The following EMC2 variants were observed in gnomAD, a reference collection of about 807,000 sequenced individuals.
EMC2 encodes the protein ER membrane protein complex subunit 2.
Under a neutral mutation model 51.6 loss-of-function variants are expected in EMC2, and 37 were observed. The ratio of observed to expected loss-of-function variants is 0.72; its 90% CI spans 0.55 to 0.94. The LOEUF is 0.94. Ranked by LOEUF, EMC2 falls within the 40% of genes least tolerant of loss-of-function variation. The pLI, the probability that EMC2 is intolerant of heterozygous loss-of-function variation, is 0.00. For missense variants in EMC2, 359 were observed against 350.9 expected, an observed-to-expected ratio of 1.02 and a Z score of -0.18; for synonymous variants, 131 against 112.4, an observed-to-expected ratio of 1.17 and a Z score of -1.04.
At chr8:108,445,654 G>A (rs1230440628) in intron 1 of EMC2, among the ~76,000 whole-genome samples, 4 of 150,362 alleles carry the variant, frequency 2.7e-5, no homozygotes, top group Admixed American at 1.3e-4. Context: ...GCAATCCTTC[G>A]ATTATGTATT....
intron 1 of EMC2, among the ~76,000 whole-genome samples, chr8:108,447,225 A>G (rs1467756144): frequency 7.8e-6 from 1 of 128,028 alleles, no homozygotes; most frequent in East Asian, 2.5e-4. Flanking sequence ...CCCACCCCCA[A>G]CAGATGCTGG....
Position 108,476,907 on chromosome 8 carries a change from A to T in EMC2, c.702+15A>T. Reference sequence around the variant, plus strand: ...GACTTTATATGGTGAGTTGAGGTGCATGTTTAATGTTATTTTTAAAAATCT... The same window carrying T: ...GACTTTATATGGTGAGTTGAGGTGCTTGTTTAATGTTATTTTTAAAAATCT... On this transcript the variant is annotated intron_variant, in intron 9 of 10. Coordinates refer to ENST00000220853, the MANE Select transcript of EMC2 (RefSeq NM_014673.5). 8.8e-7 allele frequency: 1 copy of T among 1,142,240 alleles called. No individual in the cohort carries two copies. The highest frequency in any genetic ancestry group is 1.3e-6 in the Non-Finnish European group (1 of 752,590). 70.8% of individuals were successfully genotyped at this position (1,142,240 alleles called of 1,614,324 possible).
chr8:108,478,494 T>G (rs1810986747), intron 9 of EMC2, among the ~76,000 whole-genome samples: 1 of 152,040 alleles, frequency 6.6e-6, no homozygotes, highest in Non-Finnish European at 1.5e-5. Flanking sequence ...TTTGCTTTGG[T>G]CAAGTTAAAT....
chr8:108,457,702 C>G (rs1167274443), intron 5 of EMC2, among the ~76,000 whole-genome samples: 2 of 152,168 alleles, frequency 1.3e-5, no homozygotes, highest in Admixed American at 1.3e-4. Flanking sequence ...CTGGGTTCCT[C>G]CCATGACATA....
chr8:108,464,488 C>A (rs922126484), intron 5 of EMC2, among the ~76,000 whole-genome samples: 2 of 152,146 alleles, frequency 1.3e-5, no homozygotes, highest in Non-Finnish European at 2.9e-5. Context: ...ATGTCTGGGC[C>A]ACAGCTAGTC....
chr8:108,455,172 C>A lies in EMC2; in HGVS notation c.306-701C>A, dbSNP rs535384835. On this transcript the variant is annotated intron_variant, in intron 4 of 10. Coordinates refer to ENST00000220853, the MANE Select transcript of EMC2 (RefSeq NM_014673.5). ...CATTTTCTATATTTCTTTCTTTTTT[C>A]CCTTCTAGTATTCCATTACATATAT... Among the ~76,000 whole-genome samples the A allele has an allele frequency of 1.6e-4, 24 of 151,662 alleles. 1 individual carries two copies. The highest frequency in any genetic ancestry group is 3.2e-4 in the Non-Finnish European group (22 of 67,858).
intron 5 of EMC2, among the ~76,000 whole-genome samples, chr8:108,460,645 G>A (rs188783394): frequency 6.6e-6 from 1 of 152,282 alleles, no homozygotes; most frequent in African/African-American, 2.4e-5. Flanking sequence ...AACCAATTTT[G>A]TGTTTAGAGT....
intron 10 of EMC2, among the ~76,000 whole-genome samples, chr8:108,481,173 T>C (rs1811038875): frequency 6.6e-6 from 1 of 152,082 alleles, no homozygotes; most frequent in African/African-American, 2.4e-5. Context: ...TTCTGTTATG[T>C]TGGTTTTGGT....
chr8:108,486,244 A>C (rs2130425299), intron 10 of EMC2, among the ~76,000 whole-genome samples: 1 of 151,980 alleles, frequency 6.6e-6, no homozygotes, highest in African/African-American at 2.4e-5. Context: ...CAAATACATG[A>C]TTTTATGGGT....
intron 5 of EMC2, among the ~76,000 whole-genome samples, chr8:108,468,808 G>A (rs1012343485): frequency 2.0e-5 from 3 of 152,152 alleles, no homozygotes; most frequent in Admixed American, 6.5e-5. Flanking sequence ...TAAATAGAGA[G>A]GACGTAAATT....
chr8:108,456,546 G>A (rs534446485), intron 5 of EMC2, among the ~76,000 whole-genome samples: 2 of 152,032 alleles, frequency 1.3e-5, no homozygotes, highest in African/African-American at 2.4e-5. Context: ...ATTAATGAAG[G>A]CATTTTATTT....
intron 10 of EMC2, among the ~76,000 whole-genome samples, chr8:108,485,532 A>T (rs1171813069): frequency 9.8e-6 from 1 of 101,812 alleles, no homozygotes; most frequent in Non-Finnish European, 1.9e-5. Context: ...ACATATATAT[A>T]ATATATATAT....
intron 10 of EMC2, among the ~76,000 whole-genome samples, chr8:108,485,262 A>C (rs1361152016): frequency 6.6e-6 from 1 of 151,564 alleles, no homozygotes; most frequent in Non-Finnish European, 1.5e-5. Context: ...TAAATCAAGT[A>C]CTAAGTGCTT....
chr8:108,449,135 CA>C (rs1457964055), intron 1 of EMC2, among the ~76,000 whole-genome samples: 2 of 152,124 alleles, frequency 1.3e-5, no homozygotes, highest in African/African-American at 4.8e-5. Flanking sequence ...CTTTAAGAGA[CA>C]GGGGTCTTGC....
chr8:108,484,059 G>A (rs1210962487), intron 10 of EMC2, among the ~76,000 whole-genome samples: 2 of 152,040 alleles, frequency 1.3e-5, no homozygotes, highest in Non-Finnish European at 2.9e-5. Context: ...TCGTCAATTA[G>A]GTAATTGGTT....
chr8:108,483,005 A>G (rs868400433), intron 10 of EMC2, among the ~76,000 whole-genome samples: 2 of 152,042 alleles, frequency 1.3e-5, no homozygotes, highest in Middle Eastern at 3.2e-3. Context: ...AGCTAGTTCA[A>G]TGTAGTAAAG....
At chr8:108,457,331 C>CGTGT (rs56319322) in intron 5 of EMC2, among the ~76,000 whole-genome samples, 3,472 of 127,966 alleles carry the variant, frequency 0.027, 51 homozygotes, top group Admixed American at 0.037. Context: ...CGTGTGTGTG[C>CGTGT]GTGTGTGTGT....
Position 108,470,086 on chromosome 8 carries a change from G to T in EMC2, c.474G>T (p.Trp158Cys). Reference protein sequence around the residue: ...LEQFVGDQEAWHELAELYINE... With the variant: ...LEQFVGDQEACHELAELYINE... ...GATTTGTTGGAGACCAAGAAGCCTG[G>T]CATGAACTTGCAGAACTTTACATCA... Residue 158 changes from tryptophan to cysteine, a missense_variant, in exon 7 of 11, where the codon TGG (tryptophan) becomes TGT (cysteine). Physicochemically the swap from Trp to Cys is radical, Grantham distance 215. Transcript: ENST00000220853. 6.2e-7 allele frequency: 1 copy of T among 1,612,966 alleles called. No individual in the cohort carries two copies. The highest frequency in any genetic ancestry group is 1.3e-5 in the African/African-American group (1 of 74,946).
chr8:108,477,901 A>G (rs563263886), intron 9 of EMC2, among the ~76,000 whole-genome samples: 3 of 152,188 alleles, frequency 2.0e-5, no homozygotes, highest in East Asian at 3.9e-4. Context: ...TCTCAATACT[A>G]TCCTCAGGTG....
Sources: gnomAD v4.1 joint callset for allele counts (sites outside exome capture counted in the v4.1 genomes callset) on GRCh38, gnomAD v4.1.1 for gene constraint, MANE v1.5 for transcripts, NCBI Gene and HGNC (gene_info 2026-07-23, HGNC 2026-07-21) for gene names.